Variants in SEZ6L observed in about 807,000 individuals in gnomAD.
SEZ6L encodes seizure 6-like protein.
Under a neutral mutation model 106.2 loss-of-function variants are expected in SEZ6L, and 37 were observed. That is an observed-to-expected ratio of 0.35 (90% confidence interval 0.27 to 0.46). The LOEUF (loss-of-function observed/expected upper bound fraction) is 0.46, where lower values mean the gene tolerates loss of function less well. Ranked by LOEUF, SEZ6L falls within the 20% of genes least tolerant of loss-of-function variation. The pLI, the probability that SEZ6L is intolerant of heterozygous loss-of-function variation, is 1.00. For synonymous variants in SEZ6L, 541 were observed against 570.4 expected, an observed-to-expected ratio of 0.95 and a Z score of 0.73; for missense variants, 1,172 against 1,332.8, an observed-to-expected ratio of 0.88 and a Z score of 1.88.
At chr22:26,287,186 A>C (rs2080964009) in intron 1 of SEZ6L, among the ~76,000 whole-genome samples, 1 of 152,184 alleles carries the variant, frequency 6.6e-6, no homozygotes, top group African/African-American at 2.4e-5. Flanking sequence ...ACAAATGTTC[A>C]ATTGCCTTCT....
At chr22:26,276,489 C>T (rs2080547844) in intron 1 of SEZ6L, among the ~76,000 whole-genome samples, 1 of 152,240 alleles carries the variant, frequency 6.6e-6, no homozygotes, top group African/African-American at 2.4e-5. Context: ...TGTTAACTTA[C>T]TCATGATGGC....
chr22:26,223,564 T>C (rs1339288459), intron 1 of SEZ6L, among the ~76,000 whole-genome samples: 2 of 152,188 alleles, frequency 1.3e-5, no homozygotes, highest in African/African-American at 2.4e-5. Context: ...CAGCCTGAGT[T>C]TGAATCTTGG....
chr22:26,202,080 A>AT (rs920449176), intron 1 of SEZ6L, among the ~76,000 whole-genome samples: 1 of 151,692 alleles, frequency 6.6e-6, no homozygotes, highest in Admixed American at 6.6e-5. Context: ...CGCCCGGCTA[A>AT]TTTTTTTGTA....
intron 1 of SEZ6L, among the ~76,000 whole-genome samples, chr22:26,240,407 G>A (rs1287985976): frequency 1.3e-5 from 2 of 152,052 alleles, no homozygotes; most frequent in Non-Finnish European, 2.9e-5. Flanking sequence ...TGTCAACTGT[G>A]TGAATGTGGG....
chr22:26,340,722 T>A, intron 10 of SEZ6L, 90 bp downstream of exon 10: 1 of 1,054,220 alleles, frequency 9.5e-7, no homozygotes, highest in Non-Finnish European at 1.4e-6. Flanking sequence ...AGTTTTGTAC[T>A]ACAGCGATTT....
At chr22:26,194,779 A>C (rs1327455150) in intron 1 of SEZ6L, among the ~76,000 whole-genome samples, 1 of 152,162 alleles carries the variant, frequency 6.6e-6, no homozygotes, top group Non-Finnish European at 1.5e-5. Context: ...CTGTCTCCTC[A>C]CCTGTCAAAT....
chr22:26,247,389 G>T (rs1210045385), intron 1 of SEZ6L, among the ~76,000 whole-genome samples: 1 of 152,174 alleles, frequency 6.6e-6, no homozygotes, highest in Non-Finnish European at 1.5e-5. Context: ...TGGAAATAAG[G>T]TCTTTGCAGA....
At chr22:26,352,762 C>G (rs1315100019) in intron 12 of SEZ6L, among the ~76,000 whole-genome samples, 1 of 152,198 alleles carries the variant, frequency 6.6e-6, no homozygotes, top group African/African-American at 2.4e-5. Context: ...CTCTTTGATT[C>G]CTGGCAGGAA....
At chr22:26,328,323 G>A (rs1391833193) in intron 9 of SEZ6L, among the ~76,000 whole-genome samples, 1 of 152,058 alleles carries the variant, frequency 6.6e-6, no homozygotes. Flanking sequence ...TTGTAATAGA[G>A]GAAAAATGCT....
chr22:26,205,604 G>A (rs1941232642), intron 1 of SEZ6L, among the ~76,000 whole-genome samples: 1 of 151,914 alleles, frequency 6.6e-6, no homozygotes, highest in South Asian at 2.1e-4. Context: ...TAAAAATGTG[G>A]TTTCTGATTC....
Position 26,184,257 on chromosome 22 carries a change from C to T in SEZ6L, c.94+14494C>T, listed in dbSNP as rs117919510. 1.3e-3 allele frequency among the ~76,000 whole-genome samples: 205 copies of T among 152,266 alleles called. 3 individuals are homozygous for T. In the East Asian group the frequency reaches 0.031, roughly 23 times the overall value. ...AACAAGGCCTAGAATTCCCCCAAGT[C>T]AGGCTGTCTTCACTGGTTCCCTCTA... On this transcript the variant is annotated intron_variant, in intron 1 of 16. Transcript: ENST00000248933.
At chr22:26,278,980 G>A (rs1420856208) in intron 1 of SEZ6L, among the ~76,000 whole-genome samples, 1 of 119,918 alleles carries the variant, frequency 8.3e-6, no homozygotes, top group Non-Finnish European at 1.8e-5. Context: ...AAGGGAGGGA[G>A]GGAGGGAGGA....
chr22:26,223,565 T>G (rs963304102), intron 1 of SEZ6L, among the ~76,000 whole-genome samples: 1 of 152,154 alleles, frequency 6.6e-6, no homozygotes, highest in African/African-American at 2.4e-5. Flanking sequence ...AGCCTGAGTT[T>G]GAATCTTGGC....
chr22:26,340,481 C>A lies in SEZ6L; in HGVS notation c.2061C>A (p.Asp687Glu), dbSNP rs371326790. 1.2e-6 allele frequency: 2 copies of A among 1,614,066 alleles called. No homozygotes were observed. The highest frequency in any genetic ancestry group is 1.7e-5 in the Admixed American group (1 of 60,016). The part of the protein sequence containing the change: ...NSDILTIYDG[D>E]EVMPHILGQY... Reference sequence around the variant, plus strand: ...ACATCTTGACCATCTACGATGGCGACGAGGTCATGCCCCACATCTTGGGGC... The same window carrying A: ...ACATCTTGACCATCTACGATGGCGAAGAGGTCATGCCCCACATCTTGGGGC... Residue 687 changes from aspartate to glutamate, a missense_variant, in exon 10 of 17, where the codon GAC (aspartate) becomes GAA (glutamate). By Grantham distance (45) the Asp-to-Glu change is conservative. Coordinates refer to ENST00000248933, the MANE Select transcript of SEZ6L (RefSeq NM_021115.5).
intron 4 of SEZ6L, among the ~76,000 whole-genome samples, chr22:26,298,354 C>A (rs776473385): frequency 6.6e-6 from 1 of 152,184 alleles, no homozygotes; most frequent in Non-Finnish European, 1.5e-5. Flanking sequence ...TTCAGTATGT[C>A]CCCATGCACC....
chr22:26,234,862 G>A (rs1429270576), intron 1 of SEZ6L, among the ~76,000 whole-genome samples: 1 of 152,246 alleles, frequency 6.6e-6, no homozygotes, highest in African/African-American at 2.4e-5. Context: ...ATGACCTCGG[G>A]TATCAGGGAA....
intron 10 of SEZ6L, among the ~76,000 whole-genome samples, chr22:26,342,043 C>T (rs1360496419): frequency 6.6e-6 from 1 of 152,182 alleles, no homozygotes; most frequent in African/African-American, 2.4e-5. Context: ...GAGCCGAGCT[C>T]CAATCCATGC....
chr22:26,311,689 G>C (rs2145923546), intron 7 of SEZ6L, 79 bp from the exon 8 acceptor site: 1 of 1,256,060 alleles, frequency 8.0e-7, no homozygotes, highest in Admixed American at 1.8e-5. Flanking sequence ...AACAGCACAG[G>C]GGACCCATCT....
chr22:26,272,188 A>G (rs2080390199), intron 1 of SEZ6L, among the ~76,000 whole-genome samples: 1 of 152,268 alleles, frequency 6.6e-6, no homozygotes, highest in African/African-American at 2.4e-5. Flanking sequence ...CTAAAAATTC[A>G]GAATGTGATG....
Sources: gnomAD v4.1 joint callset for allele counts (sites outside exome capture counted in the v4.1 genomes callset) on GRCh38, gnomAD v4.1.1 for gene constraint, MANE v1.5 for transcripts, NCBI Gene and HGNC (gene_info 2026-07-23, HGNC 2026-07-21) for gene names.